Variants in RIC3 observed in about 807,000 individuals in gnomAD.
The protein encoded by RIC3 is protein RIC-3.
RIC3 carries 28 observed loss-of-function variants against 27.3 expected under a neutral mutation model. The observed-to-expected ratio is 1.02, with a 90% CI of 0.76 to 1.41. The LOEUF (loss-of-function observed/expected upper bound fraction) is 1.41. Among genes scored for constraint, RIC3 ranks in the 40% most tolerant of loss-of-function variants. The pLI is 0.00. For synonymous variants in RIC3, 184 were observed against 160.4 expected (o/e 1.15, Z -1.11); for missense variants, 501 against 444.7 (o/e 1.13, Z -1.14).
chr11:8,112,362 C>A (rs906474902), intron 5 of RIC3, among the ~76,000 whole-genome samples: 7 of 150,622 alleles, frequency 4.6e-5, no homozygotes, highest in African/African-American at 7.3e-5. Context: ...GGTGCAATCT[C>A]GGTTCACTGC....
In RIC3 at chr11:8,107,439, C is replaced by A. The variant is rs890708182; in HGVS notation, c.*3259G>T. ...GTTTTGTTTGTTTAGTCATCAGGTT[C>A]AAAAATCTTAAATGGCTATAGACAG... On this transcript the variant is annotated 3_prime_UTR_variant, in exon 6 of 6. Transcript: ENST00000309737. 1 of 152,132 alleles carries A rather than the reference C, an allele frequency of 6.6e-6. No homozygotes were observed. Among genetic ancestry groups the A allele is most frequent in the African/African-American group, 2.4e-5 (1 of 41,424 alleles). 9.4% of individuals were successfully genotyped at this position (152,132 alleles called of 1,614,324 possible). A position where few individuals can be genotyped will look rare whatever the true frequency, so the allele number is the denominator to read the frequency against.
At chr11:8,115,779 T>A (rs1283832954) in intron 5 of RIC3, among the ~76,000 whole-genome samples, 4 of 152,228 alleles carry the variant, frequency 2.6e-5, no homozygotes, top group Non-Finnish European at 5.9e-5. Context: ...ATGTCCCGTT[T>A]ATGGATTGGA....
chr11:8,152,287 A>G (rs1432933740), intron 1 of RIC3, among the ~76,000 whole-genome samples: 2 of 152,214 alleles, frequency 1.3e-5, no homozygotes, highest in African/African-American at 4.8e-5. Flanking sequence ...TTGTACACAA[A>G]TGTTCACAGC....
At chr11:8,139,811 G>C (rs1057360585) in intron 2 of RIC3, 156 bp downstream of exon 2, 6 of 667,308 alleles carry the variant, frequency 9.0e-6, no homozygotes, top group Non-Finnish European at 1.5e-5. Flanking sequence ...TGAAATAATG[G>C]CTATCCTAAG....
intron 1 of RIC3, among the ~76,000 whole-genome samples, chr11:8,144,903 C>T (rs1590278988): frequency 6.7e-6 from 1 of 150,296 alleles, no homozygotes; most frequent in Non-Finnish European, 1.5e-5. Flanking sequence ...AATTGGAAAT[C>T]ATCATTCTCA....
intron 5 of RIC3, among the ~76,000 whole-genome samples, chr11:8,125,023 G>T (rs1946843288): frequency 6.6e-6 from 1 of 152,122 alleles, no homozygotes; most frequent in Non-Finnish European, 1.5e-5. Flanking sequence ...GGATGCCGAA[G>T]TGGGTGGATC....
chr11:8,147,734 T>TTC (rs1259915469), intron 1 of RIC3, among the ~76,000 whole-genome samples: 25 of 150,038 alleles, frequency 1.7e-4, no homozygotes, highest in Non-Finnish European at 2.8e-4. Flanking sequence ...ATTTTTTTTT[T>TTC]TTTTTTTTTT....
chr11:8,124,684 G>C (rs1170063315), intron 5 of RIC3, among the ~76,000 whole-genome samples: 3 of 152,188 alleles, frequency 2.0e-5, no homozygotes, highest in African/African-American at 7.2e-5. Flanking sequence ...GAGACATACA[G>C]ATCAATGGAA....
At chr11:8,142,271 G>A (rs1346262173) in intron 1 of RIC3, among the ~76,000 whole-genome samples, 1 of 134,216 alleles carries the variant, frequency 7.5e-6, no homozygotes, top group Non-Finnish European at 1.5e-5. Flanking sequence ...AAAATTGATA[G>A]ACCGCTAGCA....
At chr11:8,096,897 C>G in the RIC3 span, 1 of 1,435,644 alleles carries the variant, frequency 7.0e-7, no homozygotes, top group Non-Finnish European at 9.7e-7. Context: ...ACTCGTATGC[C>G]TTTAGGAGCT....
chr11:8,120,717 AAAAG>A (rs1415622120), intron 5 of RIC3, among the ~76,000 whole-genome samples: 1 of 152,158 alleles, frequency 6.6e-6, no homozygotes, highest in Non-Finnish European at 1.5e-5. Context: ...ATTTAAAAAA[AAAAG>A]AAAGAAAATA....
At chr11:8,094,816 C>T in the RIC3 span, among the ~76,000 whole-genome samples, 8 of 152,338 alleles carry the variant, frequency 5.3e-5, no homozygotes, top group Admixed American at 1.3e-4. Context: ...CAGGCCACTG[C>T]GTCACGGTTG....
the RIC3 span, among the ~76,000 whole-genome samples, chr11:8,093,071 G>A: frequency 6.6e-6 from 1 of 152,202 alleles, no homozygotes; most frequent in Non-Finnish European, 1.5e-5. Context: ...GGACCTTACA[G>A]TCTAGGTGGA....
chr11:8,134,978 C>A (rs1458545789), intron 4 of RIC3, among the ~76,000 whole-genome samples: 1 of 152,114 alleles, frequency 6.6e-6, no homozygotes, highest in Non-Finnish European at 1.5e-5. Flanking sequence ...TTTTGCTGTG[C>A]AGAAGCTCTT....
At chr11:8,148,753 T>C (rs541925761) in intron 1 of RIC3, among the ~76,000 whole-genome samples, 2 of 152,184 alleles carry the variant, frequency 1.3e-5, no homozygotes, top group South Asian at 2.1e-4. Flanking sequence ...CATGGAACAA[T>C]GCCTTCAAAA....
At chr11:8,114,919 C>T (rs1469824959) in intron 5 of RIC3, among the ~76,000 whole-genome samples, 1 of 151,674 alleles carries the variant, frequency 6.6e-6, no homozygotes, top group African/African-American at 2.4e-5. Context: ...GATTATTTGA[C>T]AATATACAGT....
intron 5 of RIC3, among the ~76,000 whole-genome samples, chr11:8,115,641 C>A (rs2133390097): frequency 6.6e-6 from 1 of 152,232 alleles, no homozygotes; most frequent in African/African-American, 2.4e-5. Flanking sequence ...AACTCCACCT[C>A]TACTAAAAAT....
downstream of RIC3, chr11:8,101,844 A>C (rs984341050): frequency 7.5e-5 from 40 of 531,494 alleles, no homozygotes; most frequent in African/African-American, 6.9e-4. Context: ...GGATGAGAAT[A>C]ATTCTTTCCA....
rs1164141566 is a variant in RIC3, at chr11:8,124,105, G to GAAAA, written c.670+2553_670+2554insTTTT. Among the ~76,000 whole-genome samples the GAAAA allele has an allele frequency of 6.1e-3, 906 of 147,478 alleles. 22 individuals carry two copies. Among genetic ancestry groups the GAAAA allele is most frequent in the Admixed American group, 0.05 (735 of 14,730 alleles). On this transcript the variant is annotated intron_variant, in intron 5 of 5. Coordinates refer to ENST00000309737, the MANE Select transcript of RIC3 (RefSeq NM_001206671.4). ...AAAGAAAGAAAAAGAAAAAGAAAAA[G>GAAAA]AGAAAGCAAGCAAGCAAGCAAGCAA...
Sources: gnomAD v4.1 joint callset for allele counts (sites outside exome capture counted in the v4.1 genomes callset) on GRCh38, gnomAD v4.1.1 for gene constraint, MANE v1.5 for transcripts, NCBI Gene and HGNC (gene_info 2026-07-23, HGNC 2026-07-21) for gene names.